The following PIAS2 variants were observed in gnomAD, a reference collection of about 807,000 sequenced individuals.
PIAS2 encodes E3 SUMO-protein ligase PIAS2.
In PIAS2, 19 loss-of-function variants were observed where a neutral mutation model predicts 69.7. The ratio of observed to expected loss-of-function variants is 0.27; its 90% CI spans 0.19 to 0.40. The LOEUF is 0.40. PIAS2 is among the 10% of genes least tolerant of loss of function. The pLI is 1.00. For synonymous variants in PIAS2, 261 were observed against 263.2 expected, an observed-to-expected ratio of 0.99 and a Z score of 0.08; for missense variants, 624 against 757.0, an observed-to-expected ratio of 0.82 and a Z score of 2.06.
intron 1 of PIAS2, among the ~76,000 whole-genome samples, chr18:46,895,911 G>C (rs2054788922): frequency 6.6e-6 from 1 of 152,038 alleles, no homozygotes; most frequent in Non-Finnish European, 1.5e-5. Context: ...TTATTTGAGA[G>C]ACTAATGGGT....
intron 1 of PIAS2, among the ~76,000 whole-genome samples, chr18:46,896,165 C>CAAAAAAAAAAAAAA (rs1199712335): frequency 6.3e-5 from 2 of 31,948 alleles, no homozygotes; most frequent in Non-Finnish European, 6.2e-5. Flanking sequence ...AAGAAAAAAG[C>CAAAAAAAAAAAAAA]AAAAAAAAAA....
At chr18:46,843,283 T>C (rs998180369) in intron 8 of PIAS2, among the ~76,000 whole-genome samples, 3 of 152,204 alleles carry the variant, frequency 2.0e-5, no homozygotes, top group African/African-American at 7.2e-5. Flanking sequence ...AAACTGCACA[T>C]TTCTCAAAAT....
In PIAS2 at chr18:46,815,788, C is replaced by A. The variant is rs145902098; in HGVS notation, c.1649-439G>T. 2.1e-4 allele frequency: 212 copies of A among 996,004 alleles called. 1 individual carries two copies. In the African/African-American group the frequency reaches 3.4e-3, roughly 16 times the overall value. 61.7% of individuals were successfully genotyped at this position (996,004 alleles called of 1,614,324 possible). A position where few individuals can be genotyped will look rare whatever the true frequency, so the allele number is the denominator to read the frequency against. ...TAAGTATCGCTTCTTAAACAGATGT[C>A]TATTTCAATGACAGCTCTCTGTCCC... is the stretch of plus-strand genomic sequence containing the variant. On this transcript the variant is annotated intron_variant, in intron 12 of 13. Transcript: ENST00000585916.
At chr18:46,819,187 T>C (rs2041895826) in intron 12 of PIAS2, among the ~76,000 whole-genome samples, 1 of 152,100 alleles carries the variant, frequency 6.6e-6, no homozygotes, top group African/African-American at 2.4e-5. Flanking sequence ...CCTTTCAGAA[T>C]GCTTGCTTAT....
intron 2 of PIAS2, among the ~76,000 whole-genome samples, chr18:46,889,247 A>G (rs2053682057): frequency 6.6e-6 from 1 of 152,222 alleles, no homozygotes; most frequent in Admixed American, 6.5e-5. Flanking sequence ...GAATTTCATG[A>G]AAAAATGTTA....
At position 46,803,314 on chromosome 18, in the gene PIAS2, TA is replaced by T. The variant is rs1215593703; in HGVS notation, c.*9118del. The stretch of plus-strand genomic sequence containing the variant: ...GGTGGTATTTTAAATGAAAGTTTTT[TA>T]AAAAATGGATACTTACTTTTTTAGG... On this transcript the variant is annotated 3_prime_UTR_variant, in exon 14 of 14. Transcript: ENST00000585916. The T allele has an allele frequency of 2.0e-5, 3 of 152,282 alleles. No homozygotes were observed. The highest frequency in any genetic ancestry group is 7.2e-5 in the African/African-American group (3 of 41,558). 9.4% of individuals were successfully genotyped at this position (152,282 alleles called of 1,614,324 possible). A position where few individuals can be genotyped will look rare whatever the true frequency, so the allele number is the denominator to read the frequency against.
intron 1 of PIAS2, among the ~76,000 whole-genome samples, chr18:46,911,734 G>T (rs1326876045): frequency 6.6e-6 from 1 of 152,228 alleles, no homozygotes; most frequent in African/African-American, 2.4e-5. Context: ...TCTTGCCAAT[G>T]TAACAGTACT....
chr18:46,809,375 C>T lies in PIAS2; in HGVS notation c.*3058G>A, dbSNP rs1356279981. The stretch of plus-strand genomic sequence containing the variant: ...AGTGAGTGACAACAGACCTCAGGCA[C>T]GAAACTATTTTCAGCACCAATTACA... On this transcript the variant is annotated 3_prime_UTR_variant, in exon 14 of 14. Transcript: ENST00000585916. 6.6e-6 allele frequency: 1 copy of T among 152,122 alleles called. No individual in the cohort carries two copies. The highest frequency in any genetic ancestry group is 1.9e-4 in the East Asian group (1 of 5,188). The allele number at this position is 152,122 out of a possible 1,614,324, so 9.4% of individuals were successfully genotyped here.
At chr18:46,854,946 C>A (rs1401714608) in intron 5 of PIAS2, among the ~76,000 whole-genome samples, 1 of 152,108 alleles carries the variant, frequency 6.6e-6, no homozygotes, top group East Asian at 1.9e-4. Context: ...GAGTGTTTCA[C>A]AGCATCCTTG....
rs547991755 is a variant in PIAS2, at chr18:46,916,392, C to A, written c.24+930G>T. Among the ~76,000 whole-genome samples, 84 of 146,508 alleles carry A rather than the reference C, an allele frequency of 5.7e-4. No individual in the cohort carries two copies. In the Middle Eastern group the frequency reaches 0.01, roughly 18 times the overall value. ...ATTTCAAGTTTACACTCATCTCTACCTTGATACATTTAAAAAAAAAAAAAA... is the reference window on the plus strand; with the variant it reads ...ATTTCAAGTTTACACTCATCTCTACATTGATACATTTAAAAAAAAAAAAAA... On this transcript the variant is annotated intron_variant, in intron 1 of 13. Transcript: ENST00000585916.
chr18:46,818,522 T>G, intron 12 of PIAS2: 2 of 1,297,872 alleles, frequency 1.5e-6, no homozygotes, highest in African/African-American at 1.5e-5. Flanking sequence ...TTGTTATCTC[T>G]CCATTCTTGG....
At chr18:46,878,066 C>T (rs1433614590) in intron 2 of PIAS2, among the ~76,000 whole-genome samples, 2 of 152,106 alleles carry the variant, frequency 1.3e-5, no homozygotes, top group Non-Finnish European at 2.9e-5. Context: ...ATCTATGGAT[C>T]CCTTTTTCCT....
intron 1 of PIAS2, chr18:46,915,580 C>A (rs1024514236): frequency 6.6e-6 from 1 of 152,000 alleles, no homozygotes; most frequent in Non-Finnish European, 1.5e-5. Context: ...TGAAGCTGAT[C>A]CACAAACCAA....
intron 9 of PIAS2, among the ~76,000 whole-genome samples, chr18:46,832,892 C>CAAAAAAAAAAAAAAAA (rs34958166): frequency 1.2e-4 from 13 of 105,982 alleles, no homozygotes; most frequent in Non-Finnish European, 1.7e-4. Flanking sequence ...CCTCTGTCTC[C>CAAAAAAAAAAAAAAAA]AAAAAAAAAA....
chr18:46,867,816 GCATCAACCAACAGTGT>G (rs1297604456), intron 2 of PIAS2, among the ~76,000 whole-genome samples: 1 of 152,104 alleles, frequency 6.6e-6, no homozygotes, highest in Non-Finnish European at 1.5e-5. Flanking sequence ...TTTTGTAATA[GCATCAACCAACAGTGT>G]ACAGTTTAAG....
intron 2 of PIAS2, among the ~76,000 whole-genome samples, chr18:46,868,911 T>C (rs2049902000): frequency 6.6e-6 from 1 of 152,172 alleles, no homozygotes; most frequent in South Asian, 2.1e-4. Context: ...GCATGATGAA[T>C]AAACCTGGAC....
At chr18:46,814,119 C>A (rs1428601894) in intron 13 of PIAS2, among the ~76,000 whole-genome samples, 1 of 152,118 alleles carries the variant, frequency 6.6e-6, no homozygotes, top group African/African-American at 2.4e-5. Context: ...GCGTTGAATT[C>A]TTAGTAGTAT....
At chr18:46,864,560 C>T (rs532049979) in intron 2 of PIAS2, among the ~76,000 whole-genome samples, 1 of 152,236 alleles carries the variant, frequency 6.6e-6, no homozygotes, top group Non-Finnish European at 1.5e-5. Context: ...CACCTGAGGT[C>T]GCAAGTTCGA....
In PIAS2 at chr18:46,847,543, G is replaced by A. The variant is rs555209587; in HGVS notation, c.727-702C>T. Among the ~76,000 whole-genome samples, 10 of 150,392 alleles carry A rather than the reference G, an allele frequency of 6.6e-5. No homozygotes were observed. In the South Asian group the frequency reaches 1.7e-3, roughly 25 times the overall value. On this transcript the variant is annotated intron_variant, in intron 5 of 13. Transcript: ENST00000585916. ...GTCGCCCAGGCTGGAGTACAGTGGC[G>A]CGAACTTGGCTCACTGCAAGCTCCG...
Sources: gnomAD v4.1 joint callset for allele counts (sites outside exome capture counted in the v4.1 genomes callset) on GRCh38, gnomAD v4.1.1 for gene constraint, MANE v1.5 for transcripts, NCBI Gene and HGNC (gene_info 2026-07-23, HGNC 2026-07-21) for gene names.